UNC80: variants seen among roughly 807,000 people sequenced by gnomAD.
UNC80 encodes the protein unc-80 subunit of NALCN channel complex, also known as protein unc-80 homolog.
In UNC80, 164 loss-of-function variants were observed where a neutral mutation model predicts 384.6. The ratio of observed to expected loss-of-function variants is 0.43; its 90% CI spans 0.38 to 0.49. The LOEUF (loss-of-function observed/expected upper bound fraction) is 0.49. Among genes scored for constraint, UNC80 ranks in the 20% least tolerant of loss-of-function variants. The probability of loss-of-function intolerance (pLI) is 0.00; values close to 1 mark genes in which losing one functional copy is unlikely to be tolerated. For synonymous variants in UNC80, 1,486 were observed against 1,527.8 expected (o/e 0.97, Z 0.64); for missense variants, 3,330 against 4,143.0 (o/e 0.80, Z 5.39).
chr2:209,831,352 A>C, intron 15 of UNC80, 91 bp from the exon 16 acceptor site: 1 of 1,334,488 alleles, frequency 7.5e-7, no homozygotes, highest in Non-Finnish European at 1.0e-6. Flanking sequence ...ATAGCACTTC[A>C]CTAATTCCTG....
At chr2:209,968,713 T>C (rs539223653) in intron 52 of UNC80, 3 of 152,304 alleles carry the variant, frequency 2.0e-5, no homozygotes, top group East Asian at 3.9e-4. Flanking sequence ...TATAACTGTC[T>C]CACAAGGGTG....
chr2:209,937,231 T>TA, intron 41 of UNC80, among the ~76,000 whole-genome samples: 1 of 152,286 alleles, frequency 6.6e-6, no homozygotes, highest in African/African-American at 2.4e-5. Flanking sequence ...ACATGAAAAA[T>TA]TACGTTGCCC....
At chr2:209,857,001 G>A (rs1449121916) in intron 22 of UNC80, among the ~76,000 whole-genome samples, 1 of 151,966 alleles carries the variant, frequency 6.6e-6, no homozygotes, top group Non-Finnish European at 1.5e-5. Context: ...TATTGGTCAG[G>A]CTGATCTAGA....
rs552085995 is a variant in UNC80, at chr2:209,864,276, C to A, written c.3628-8482C>A. On this transcript the variant is annotated intron_variant, in intron 22 of 64. Transcript: ENST00000673920. ...ACCAACCTGAATGCCAGTAGGATCA[C>A]CCCTTTATAGGGTGTCTGACAACCC... 3.9e-5 allele frequency among the ~76,000 whole-genome samples: 6 copies of A among 152,176 alleles called. No homozygotes were observed. In the East Asian group the frequency reaches 9.7e-4, roughly 25 times the overall value.
intron 22 of UNC80, among the ~76,000 whole-genome samples, chr2:209,860,545 C>T (rs1346278144): frequency 1.3e-5 from 2 of 152,114 alleles, no homozygotes; most frequent in Admixed American, 6.5e-5. Flanking sequence ...TCCTTTGATT[C>T]CACATAAAAT....
rs1207858786 is a variant in UNC80, at chr2:209,826,042, T to C, written c.2467T>C (p.Phe823Leu). Residue 823 changes from phenylalanine (F) to leucine (L), a missense_variant, in exon 14 of 65, where the codon TTC becomes CTC. Physicochemically the swap from Phe to Leu is conservative, Grantham distance 22. Coordinates refer to ENST00000673920, the MANE Select transcript of UNC80 (RefSeq NM_001371986.1). The part of the protein sequence containing the change: ...LSGDRLRHQV[F>L]RENAQNCLTK... Reference sequence around the variant, plus strand: ...TGGAGATCGTCTGAGACACCAGGTATTCCGAGAGAATGTAAGAGAATTAAA... The same window carrying C: ...TGGAGATCGTCTGAGACACCAGGTACTCCGAGAGAATGTAAGAGAATTAAA... 1 of 1,548,580 alleles carries C rather than the reference T, an allele frequency of 6.5e-7. No individual in the cohort carries two copies. The highest frequency in any genetic ancestry group is 1.4e-5 in the African/African-American group (1 of 72,862).
chr2:209,869,975 G>T (rs963393117), intron 22 of UNC80, among the ~76,000 whole-genome samples: 4 of 152,048 alleles, frequency 2.6e-5, no homozygotes, highest in Admixed American at 6.6e-5. Context: ...AAGAATTCTT[G>T]TATCTAAAGA....
intron 4 of UNC80, among the ~76,000 whole-genome samples, chr2:209,782,454 C>G (rs1264302270): frequency 2.0e-5 from 3 of 151,928 alleles, no homozygotes; most frequent in East Asian, 3.9e-4. Flanking sequence ...CCATCTTTCC[C>G]TCTTTCTCTA....
intron 7 of UNC80, among the ~76,000 whole-genome samples, chr2:209,810,926 C>G (rs1340557117): frequency 6.6e-6 from 1 of 151,826 alleles, no homozygotes; most frequent in African/African-American, 2.4e-5. Flanking sequence ...GTTTATAAAT[C>G]CAAGATTACA....
chr2:209,973,198 A>C lies in UNC80; in HGVS notation c.8515A>C (p.Thr2839Pro). The change falls in exon 56 of 65, where the codon ACC becomes CCC. Residue 2839 changes from threonine (T) to proline (P), a missense_variant. Coordinates refer to ENST00000673920, the MANE Select transcript of UNC80 (RefSeq NM_001371986.1). ...MLESSPAHCS[T>P]PGDAGKDLRR... ...AGAGAGCTCCCCAGCCCACTGCTCC[A>C]CCCCTGGGGATGCGGGGAAAGACTT... 1.3e-6 allele frequency: 2 copies of C among 1,551,496 alleles called. No individual in the cohort carries two copies. Among genetic ancestry groups the C allele is most frequent in the Non-Finnish European group, 1.7e-6 (2 of 1,146,964 alleles).
chr2:209,773,031 C>T, intron 1 of UNC80, 63 bp from the exon 2 acceptor site: 3 of 1,317,582 alleles, frequency 2.3e-6, no homozygotes, highest in Non-Finnish European at 3.2e-6. Context: ...AAATACGTCA[C>T]AAGGATGCTT....
intron 21 of UNC80, among the ~76,000 whole-genome samples, chr2:209,848,634 A>G (rs1176756533): frequency 3.3e-5 from 5 of 152,172 alleles, no homozygotes; most frequent in African/African-American, 1.2e-4. Flanking sequence ...ACATACGTCA[A>G]TACGATTGAG....
In UNC80 at chr2:209,918,659, A is replaced by C. The variant is rs2089762162; in HGVS notation, c.5339A>C (p.Gln1780Pro). 1 of 1,546,278 alleles carries C rather than the reference A, an allele frequency of 6.5e-7. No homozygotes were observed. The highest frequency in any genetic ancestry group is 8.7e-7 in the Non-Finnish European group (1 of 1,143,462). Residue 1780 changes from glutamine (Q) to proline (P), a missense_variant, in exon 33 of 65, where the codon CAG (glutamine) becomes CCG (proline). Transcript: ENST00000673920. ...GSVQDPINED[Q>P]SKSFSARAVS... is the part of the protein sequence containing the mutation. ...GTCCAGGACCCCATTAATGAAGACC[A>C]GTCTGTGAGTAACAGACACTTCCAG...
chr2:209,931,164 G>A (rs1265877571), intron 38 of UNC80, 110 bp downstream of exon 38: 4 of 758,784 alleles, frequency 5.3e-6, no homozygotes, highest in Non-Finnish European at 6.2e-6. Context: ...GGCAAATCCT[G>A]GTCAACTAAA....
intron 7 of UNC80, 148 bp from the exon 8 acceptor site, chr2:209,813,432 C>T (rs1029961303): frequency 3.9e-6 from 3 of 775,714 alleles, no homozygotes; most frequent in Non-Finnish European, 5.9e-6. Flanking sequence ...TGAGAGAGAC[C>T]AGTTGGAAGG....
chr2:209,881,037 C>T lies in UNC80; in HGVS notation c.4053C>T (p.Thr1351=). Residue 1351 remains threonine (T), a synonymous_variant, in exon 25 of 65, where the codon ACC becomes ACT. Transcript: ENST00000673920. ...MAACQLLLEI[T]TFLRETFSCL... Reference sequence around the variant, plus strand: ...CATGTCAGCTTCTTCTGGAGATTACCACCTTCCTGCGAGAGACCTTTTCTT... The same window carrying T: ...CATGTCAGCTTCTTCTGGAGATTACTACCTTCCTGCGAGAGACCTTTTCTT... 6.4e-7 allele frequency: 1 copy of T among 1,551,730 alleles called. No individual in the cohort carries two copies. The highest frequency in any genetic ancestry group is 8.7e-7 in the Non-Finnish European group (1 of 1,147,012).
intron 43 of UNC80, 127 bp downstream of exon 43, chr2:209,939,779 A>G (rs2091506335): frequency 9.9e-6 from 8 of 808,092 alleles, no homozygotes; most frequent in South Asian, 4.9e-5. Context: ...GGTTTGTTAC[A>G]TATGTATACA....
intron 51 of UNC80, among the ~76,000 whole-genome samples, chr2:209,965,577 C>T (rs77848341): frequency 0.15 from 22,279 of 151,688 alleles, 2,049 homozygotes; most frequent in South Asian, 0.2. Context: ...CCCACCACCA[C>T]GCCCAGCTAA....
chr2:209,776,306 G>A (rs2076859965), intron 3 of UNC80, among the ~76,000 whole-genome samples: 1 of 152,154 alleles, frequency 6.6e-6, no homozygotes, highest in African/African-American at 2.4e-5. Flanking sequence ...GATAGGCTGG[G>A]TGTGGTGGCT....
Sources: gnomAD v4.1 joint callset for allele counts (sites outside exome capture counted in the v4.1 genomes callset) on GRCh38, gnomAD v4.1.1 for gene constraint, MANE v1.5 for transcripts, NCBI Gene and HGNC (gene_info 2026-07-23, HGNC 2026-07-21) for gene names.